EXOC4: variants seen among roughly 807,000 people sequenced by gnomAD.
EXOC4 encodes exocyst complex component 4, also known as SEC8-like 1.
Under a neutral mutation model 107.2 loss-of-function variants are expected in EXOC4, and 71 were observed. The ratio of observed to expected loss-of-function variants is 0.66; its 90% CI spans 0.55 to 0.81. The LOEUF is 0.81. Among genes scored for constraint, EXOC4 ranks in the 30% least tolerant of loss-of-function variants. The pLI is 0.00. For missense variants in EXOC4, 1,108 were observed against 1,189.6 expected (o/e 0.93, Z 1.01); for synonymous variants, 456 against 441.2 (o/e 1.03, Z -0.42).
At chr7:133,982,464 A>G (rs1254998495) in intron 14 of EXOC4, among the ~76,000 whole-genome samples, 2 of 152,118 alleles carry the variant, frequency 1.3e-5, no homozygotes, top group Non-Finnish European at 2.9e-5. Flanking sequence ...AGGCAGGAGA[A>G]CGGCATGAAC....
chr7:134,042,612 A>G (rs1795546459), intron 17 of EXOC4, among the ~76,000 whole-genome samples: 1 of 152,228 alleles, frequency 6.6e-6, no homozygotes, highest in Non-Finnish European at 1.5e-5. Flanking sequence ...GTGGTGTAAT[A>G]GAAAGGTTAC....
chr7:133,430,893 T>C (rs1227903024), intron 7 of EXOC4, among the ~76,000 whole-genome samples: 1 of 152,220 alleles, frequency 6.6e-6, no homozygotes, highest in Non-Finnish European at 1.5e-5. Context: ...TGAATCCATC[T>C]TTCTACTGGA....
At chr7:133,580,802 A>G (rs1355164282) in intron 9 of EXOC4, among the ~76,000 whole-genome samples, 1 of 152,162 alleles carries the variant, frequency 6.6e-6, no homozygotes, top group Non-Finnish European at 1.5e-5. Flanking sequence ...CATTTAGTGA[A>G]TGCTACTGAA....
chr7:133,260,432 C>T (rs1457424900), intron 1 of EXOC4, among the ~76,000 whole-genome samples: 1 of 152,134 alleles, frequency 6.6e-6, no homozygotes, highest in Non-Finnish European at 1.5e-5. Flanking sequence ...CGCCACCACA[C>T]CCGGCTAATT....
chr7:133,643,978 T>G (rs538463159), intron 10 of EXOC4, among the ~76,000 whole-genome samples: 181 of 152,274 alleles, frequency 1.2e-3, no homozygotes, highest in Middle Eastern at 3.4e-3. Context: ...GGGAGAAAGA[T>G]TCACTGCATA....
At chr7:133,632,116 A>G (rs1288361062) in intron 10 of EXOC4, among the ~76,000 whole-genome samples, 1 of 152,156 alleles carries the variant, frequency 6.6e-6, no homozygotes, top group Non-Finnish European at 1.5e-5. Flanking sequence ...TACACTTAAT[A>G]AAATGCATTT....
chr7:133,615,318 A>G (rs1289513706), intron 9 of EXOC4, among the ~76,000 whole-genome samples: 1 of 151,660 alleles, frequency 6.6e-6, no homozygotes, highest in Non-Finnish European at 1.5e-5. Flanking sequence ...AGGGTGATTT[A>G]TTTTTATAAC....
At chr7:133,752,204 C>T (rs1286167950) in intron 10 of EXOC4, among the ~76,000 whole-genome samples, 1 of 152,078 alleles carries the variant, frequency 6.6e-6, no homozygotes, top group African/African-American at 2.4e-5. Context: ...ATTTCTTCCT[C>T]TAGTAAGTAT....
chr7:133,390,729 A>G (rs1415017599), intron 7 of EXOC4, among the ~76,000 whole-genome samples: 1 of 152,222 alleles, frequency 6.6e-6, no homozygotes, highest in Non-Finnish European at 1.5e-5. Flanking sequence ...TTAATGGGAA[A>G]CTACAAAACT....
intron 9 of EXOC4, among the ~76,000 whole-genome samples, chr7:133,520,998 A>G (rs1313304204): frequency 6.6e-6 from 1 of 152,182 alleles, no homozygotes; most frequent in Non-Finnish European, 1.5e-5. Flanking sequence ...GAGGGATGTT[A>G]TGTGGAATGT....
intron 7 of EXOC4, among the ~76,000 whole-genome samples, chr7:133,386,440 A>G (rs1199718145): frequency 1.3e-5 from 2 of 152,136 alleles, no homozygotes; most frequent in Non-Finnish European, 2.9e-5. Context: ...CAGGGAGCAC[A>G]AAGAGCTCTC....
chr7:133,547,226 G>A (rs971671086), intron 9 of EXOC4, among the ~76,000 whole-genome samples: 2 of 152,130 alleles, frequency 1.3e-5, no homozygotes, highest in African/African-American at 4.8e-5. Flanking sequence ...TTACACTATA[G>A]TGTAGTTTGT....
At position 134,007,822 on chromosome 7, in the gene EXOC4, C is replaced by G. The variant is rs762919620; in HGVS notation, c.2674C>G (p.Leu892Val). Reference protein sequence around the residue: ...TNITMSREADLDFARQYYEML... With the variant: ...TNITMSREADVDFARQYYEML... ...CATCACCATGTCGCGGGAGGCAGACCTGGACTTTGCAAGGTAGGAGGGAAA... is the reference window on the plus strand; with the variant it reads ...CATCACCATGTCGCGGGAGGCAGACGTGGACTTTGCAAGGTAGGAGGGAAA... The change falls in exon 17 of 18, where the codon CTG becomes GTG. Residue 892 changes from leucine (L) to valine (V), a missense_variant. Leu to Val is a conservative substitution (Grantham distance 32). Transcript: ENST00000253861. 1.2e-6 allele frequency: 2 copies of G among 1,612,632 alleles called. No individual in the cohort carries two copies. The highest frequency in any genetic ancestry group is 2.2e-5 in the South Asian group (2 of 90,900).
intron 7 of EXOC4, among the ~76,000 whole-genome samples, chr7:133,417,245 A>G (rs1214764251): frequency 6.6e-6 from 1 of 152,182 alleles, no homozygotes; most frequent in Non-Finnish European, 1.5e-5. Flanking sequence ...TAGGCACTAA[A>G]GAGTCTAAGA....
At chr7:133,326,249 C>T (rs751055678) in intron 5 of EXOC4, among the ~76,000 whole-genome samples, 70 of 152,206 alleles carry the variant, frequency 4.6e-4, no homozygotes, top group Non-Finnish European at 8.4e-4. Flanking sequence ...CCGTTGCTGG[C>T]GAGGAGCTGC....
intron 10 of EXOC4, among the ~76,000 whole-genome samples, chr7:133,754,803 A>G (rs903614866): frequency 6.6e-6 from 1 of 152,210 alleles, no homozygotes; most frequent in Non-Finnish European, 1.5e-5. Flanking sequence ...AAGAAGTATT[A>G]CTTCTAAGAT....
intron 17 of EXOC4, among the ~76,000 whole-genome samples, chr7:134,010,632 A>G (rs1794741812): frequency 6.6e-6 from 1 of 152,214 alleles, no homozygotes; most frequent in African/African-American, 2.4e-5. Context: ...GTACCTCAGC[A>G]TTCCTTAAGC....
intron 10 of EXOC4, among the ~76,000 whole-genome samples, chr7:133,792,198 C>T (rs1398522268): frequency 3.3e-5 from 5 of 152,120 alleles, no homozygotes; most frequent in Non-Finnish European, 7.4e-5. Context: ...ATGTTCCTTT[C>T]AGAATTGATG....
downstream of EXOC4, among the ~76,000 whole-genome samples, chr7:134,069,935 C>T (rs1014717286): frequency 6.6e-6 from 1 of 152,188 alleles, no homozygotes; most frequent in Non-Finnish European, 1.5e-5. Flanking sequence ...AGACCAGGGG[C>T]CAGCTCCAAG....
Sources: allele counts gnomAD v4.1 joint callset (sites outside exome capture counted in the v4.1 genomes callset), GRCh38; gene constraint gnomAD v4.1.1; transcripts MANE v1.5; gene names NCBI Gene and HGNC (gene_info 2026-07-23, HGNC 2026-07-21).